Variants in HERPUD2 observed in about 807,000 individuals in gnomAD.
HERPUD2 encodes homocysteine-responsive endoplasmic reticulum-resident ubiquitin-like domain member 2 protein.
In HERPUD2, 13 loss-of-function variants were observed where a neutral mutation model predicts 49.9. The ratio of observed to expected loss-of-function variants is 0.26; its 90% CI spans 0.17 to 0.41. The LOEUF (loss-of-function observed/expected upper bound fraction) is 0.41, where lower values mean the gene tolerates loss of function less well. Among genes scored for constraint, HERPUD2 ranks in the 10% least tolerant of loss-of-function variants. The probability of loss-of-function intolerance (pLI) is 1.00; values close to 1 mark genes in which losing one functional copy is unlikely to be tolerated. For synonymous variants in HERPUD2, 172 were observed against 171.4 expected (o/e 1.00, Z -0.03); for missense variants, 449 against 492.2 (o/e 0.91, Z 0.83).
intron 2 of HERPUD2, among the ~76,000 whole-genome samples, chr7:35,693,150 T>C (rs953945512): frequency 2.0e-5 from 3 of 152,218 alleles, no homozygotes; most frequent in African/African-American, 7.2e-5. Context: ...AAATCTGACT[T>C]TGGGGACAGA....
At position 35,634,539 on chromosome 7, in the gene HERPUD2, A is replaced by C. The variant is rs1583533221; in HGVS notation, c.942-110T>G. 23 of 660,752 alleles carry C rather than the reference A, an allele frequency of 3.5e-5. No individual in the cohort carries two copies. The South Asian group carries it at 4.7e-4, about 14-fold the overall frequency. 40.9% of individuals were successfully genotyped at this position (660,752 alleles called of 1,614,324 possible). A position where few individuals can be genotyped will look rare whatever the true frequency, so the allele number is the denominator to read the frequency against. ...GAGAAAAATGATTAAAACTATAATA[A>C]ATAAAAAGACCAAATCTCCCACTTC... On this transcript the variant is annotated intron_variant, in intron 7 of 8. Coordinates refer to ENST00000311350, the MANE Select transcript of HERPUD2 (RefSeq NM_022373.5).
intron 6 of HERPUD2, among the ~76,000 whole-genome samples, chr7:35,637,751 A>C (rs1285465732): frequency 1.3e-5 from 2 of 152,264 alleles, no homozygotes. Context: ...AGAAATGTTA[A>C]TAAAATGAGC....
chr7:35,671,182 T>G (rs1206510814), intron 3 of HERPUD2, among the ~76,000 whole-genome samples: 1 of 152,074 alleles, frequency 6.6e-6, no homozygotes, highest in African/African-American at 2.4e-5. Context: ...GAACCTATAA[T>G]TGTGCTTAAT....
chr7:35,691,541 A>G (rs1786187351), intron 2 of HERPUD2, among the ~76,000 whole-genome samples: 1 of 152,006 alleles, frequency 6.6e-6, no homozygotes, highest in Admixed American at 6.6e-5. Context: ...TTACTGGGGC[A>G]CTCCTGTTCC....
intron 5 of HERPUD2, among the ~76,000 whole-genome samples, chr7:35,653,750 A>G (rs1785215864): frequency 6.6e-6 from 1 of 152,122 alleles, no homozygotes; most frequent in Admixed American, 6.5e-5. Context: ...AATCAGTAAC[A>G]AGAGAAACTT....
At chr7:35,634,562 T>C (rs1177223561) in intron 7 of HERPUD2, 133 bp from the exon 8 acceptor site, 2 of 587,616 alleles carry the variant, frequency 3.4e-6, no homozygotes, top group African/African-American at 3.7e-5. Flanking sequence ...AATCTCCCAC[T>C]TCAGGACAGG....
chr7:35,654,673 CTT>C (rs539830449), intron 5 of HERPUD2, among the ~76,000 whole-genome samples: 2,564 of 129,866 alleles, frequency 0.02, 31 homozygotes, highest in Middle Eastern at 0.031. Context: ...TTGACCAAAA[CTT>C]TTTTTTTTTT....
rs1403881589 is a variant in HERPUD2, at chr7:35,638,416, G to C, written c.551C>G (p.Pro184Arg). The C allele has an allele frequency of 6.2e-7, 1 of 1,613,472 alleles. No individual in the cohort carries two copies. Among genetic ancestry groups the C allele is most frequent in the South Asian group, 1.1e-5 (1 of 91,016 alleles). Residue 184 changes from proline to arginine, a missense_variant, in exon 6 of 9, where the codon CCC becomes CGC. Coordinates refer to ENST00000311350, the MANE Select transcript of HERPUD2 (RefSeq NM_022373.5). ...QAAPPGFPVY[P>R]AFSPLQMLWW... is the part of the protein sequence containing the mutation. ...TAGCATCTGCAGTGGGCTAAACGCG[G>C]GATACACTGGGAATCCAGGTGGAGC...
At chr7:35,653,332 T>A (rs1398266249) in intron 5 of HERPUD2, among the ~76,000 whole-genome samples, 1 of 152,052 alleles carries the variant, frequency 6.6e-6, no homozygotes, top group Non-Finnish European at 1.5e-5. Flanking sequence ...ACAAAGAAGG[T>A]CATTATATAA....
At position 35,667,357 on chromosome 7, in the gene HERPUD2, G is replaced by A. The variant is rs1399467947; in HGVS notation, c.494+77C>T. 3 of 1,256,540 alleles carry A rather than the reference G, an allele frequency of 2.4e-6. No homozygotes were observed. In the African/African-American group the frequency reaches 4.4e-5, roughly 19 times the overall value. 77.8% of individuals were successfully genotyped at this position (1,256,540 alleles called of 1,614,324 possible). A position where few individuals can be genotyped will look rare whatever the true frequency, so the allele number is the denominator to read the frequency against. On this transcript the variant is annotated intron_variant, in intron 5 of 8. Transcript: ENST00000311350. Reference sequence around the variant, plus strand: ...AAATGTACTTTAATTACTGCAAAGAGGCTATAGTGAAACTCAAAAGCAATT... The same window carrying A: ...AAATGTACTTTAATTACTGCAAAGAAGCTATAGTGAAACTCAAAAGCAATT...
chr7:35,633,881 G>A (rs768340077), intron 8 of HERPUD2, 30 bp from the exon 9 acceptor site: 6 of 1,600,350 alleles, frequency 3.7e-6, no homozygotes, highest in Non-Finnish European at 5.1e-6. Flanking sequence ...AGATACTCCT[G>A]AGTGATATGA....
At chr7:35,661,999 T>C (rs569011295) in intron 5 of HERPUD2, among the ~76,000 whole-genome samples, 4 of 152,344 alleles carry the variant, frequency 2.6e-5, no homozygotes, top group East Asian at 3.9e-4. Context: ...CAGTATGATA[T>C]TGGCTGTGGG....
In HERPUD2 at chr7:35,653,057, A is replaced by T. The variant is rs375076361; in HGVS notation, c.494+14377T>A. Among the ~76,000 whole-genome samples, 18 of 152,310 alleles carry T rather than the reference A, an allele frequency of 1.2e-4. No homozygotes were observed. In the East Asian group the frequency reaches 2.1e-3, roughly 18 times the overall value. ...CAAAAACCAGAAATCAATTACTAAAATGACAGGAATAAGCCCTGTCATATC... is the reference window on the plus strand; with the variant it reads ...CAAAAACCAGAAATCAATTACTAAATTGACAGGAATAAGCCCTGTCATATC... On this transcript the variant is annotated intron_variant, in intron 5 of 8. Coordinates refer to ENST00000311350, the MANE Select transcript of HERPUD2 (RefSeq NM_022373.5).
chr7:35,634,488 T>A, intron 7 of HERPUD2, 59 bp from the exon 8 acceptor site: 1 of 986,648 alleles, frequency 1.0e-6, no homozygotes, highest in Non-Finnish European at 1.6e-6. Context: ...TTTGTAACAC[T>A]ATAAAATGTT....
intron 5 of HERPUD2, among the ~76,000 whole-genome samples, chr7:35,648,491 T>C (rs1274979398): frequency 6.6e-6 from 1 of 152,164 alleles, no homozygotes; most frequent in African/African-American, 2.4e-5. Context: ...AGGGCTTTAT[T>C]TCCCTCACCC....
intron 5 of HERPUD2, among the ~76,000 whole-genome samples, chr7:35,665,799 A>G (rs1251944340): frequency 6.6e-6 from 1 of 152,306 alleles, no homozygotes; most frequent in South Asian, 2.1e-4. Context: ...TTTGTCTTTT[A>G]TGTTTATTAA....
intron 5 of HERPUD2, among the ~76,000 whole-genome samples, chr7:35,646,536 T>A (rs1347421845): frequency 6.6e-6 from 1 of 152,136 alleles, no homozygotes; most frequent in East Asian, 1.9e-4. Flanking sequence ...CACTCCAGCC[T>A]CATCGACAGA....
intron 2 of HERPUD2, among the ~76,000 whole-genome samples, chr7:35,687,792 T>A (rs1424478045): frequency 2.6e-5 from 4 of 152,220 alleles, no homozygotes; most frequent in Non-Finnish European, 5.9e-5. Flanking sequence ...AAATATCTCC[T>A]GGAGTCTGAT....
At chr7:35,637,076 T>A (rs934646817) in intron 6 of HERPUD2, among the ~76,000 whole-genome samples, 9 of 151,684 alleles carry the variant, frequency 5.9e-5, no homozygotes, top group African/African-American at 2.2e-4. Context: ...GAGGTTGCAG[T>A]GAACCAAGAT....
Sources: gnomAD v4.1 joint callset for allele counts (sites outside exome capture counted in the v4.1 genomes callset) on GRCh38, gnomAD v4.1.1 for gene constraint, MANE v1.5 for transcripts, NCBI Gene and HGNC (gene_info 2026-07-23, HGNC 2026-07-21) for gene names.